SLC24A2: variants seen among roughly 807,000 people sequenced by gnomAD.
SLC24A2 encodes the protein sodium/potassium/calcium exchanger 2.
A neutral mutation model predicts 62.0 loss-of-function variants in SLC24A2; 36 were observed. That is an observed-to-expected ratio of 0.58 (90% CI 0.44 to 0.77). The LOEUF (loss-of-function observed/expected upper bound fraction) is 0.77, where lower values mean the gene tolerates loss of function less well. Ranked by LOEUF, SLC24A2 falls within the 30% of genes least tolerant of loss-of-function variation. The probability of loss-of-function intolerance (pLI) is 0.00; values close to 1 mark genes in which losing one functional copy is unlikely to be tolerated. For synonymous variants in SLC24A2, 358 were observed against 294.0 expected (o/e 1.22, Z -2.23); for missense variants, 846 against 817.9 (o/e 1.03, Z -0.42).
At chr9:19,741,483 C>T (rs1232861022) in intron 2 of SLC24A2, among the ~76,000 whole-genome samples, 1 of 152,190 alleles carries the variant, frequency 6.6e-6, no homozygotes, top group Non-Finnish European at 1.5e-5. Context: ...ACACTCTCTG[C>T]TCCAAGTACC....
intron 9 of SLC24A2, among the ~76,000 whole-genome samples, chr9:19,525,667 G>A (rs367870516): frequency 1.6e-3 from 246 of 151,148 alleles, no homozygotes; most frequent in African/African-American, 5.8e-3. Flanking sequence ...GCATCCCAAA[G>A]TGCTGGGACT....
At chr9:20,032,776 T>C in the SLC24A2 span, among the ~76,000 whole-genome samples, 1 of 151,948 alleles carries the variant, frequency 6.6e-6, no homozygotes, top group Non-Finnish European at 1.5e-5. Flanking sequence ...CTGGTTCTAG[T>C]AAGGAACAGG....
rs184114243 is a variant in SLC24A2, at chr9:19,717,889, G to T, written c.930+68048C>A. On this transcript the variant is annotated intron_variant, in intron 2 of 10. Coordinates refer to ENST00000341998, the MANE Select transcript of SLC24A2 (RefSeq NM_020344.4). ...AATGAAAATTCCACTAAAAACTTTAGTTACAAGAAGAAAATCCTACATGTG... is the reference window on the plus strand; with the variant it reads ...AATGAAAATTCCACTAAAAACTTTATTTACAAGAAGAAAATCCTACATGTG... 1.3e-3 allele frequency among the ~76,000 whole-genome samples: 189 copies of T among 150,836 alleles called. 4 individuals are homozygous for T. Among genetic ancestry groups the T allele is most frequent in the Non-Finnish European group, 4.1e-4 (28 of 67,676 alleles).
intron 2 of SLC24A2, among the ~76,000 whole-genome samples, chr9:19,700,445 G>T (rs965828124): frequency 6.6e-6 from 1 of 152,016 alleles, no homozygotes; most frequent in Non-Finnish European, 1.5e-5. Flanking sequence ...TTGTTTTTTT[G>T]ATATGTTAAA....
chr9:19,886,068 T>C, the SLC24A2 span, among the ~76,000 whole-genome samples: 16 of 152,244 alleles, frequency 1.1e-4, no homozygotes, highest in African/African-American at 2.4e-4. Context: ...TATGTGTGCA[T>C]GTGTCATTAT....
At chr9:19,618,480 G>A (rs1817825630) in intron 4 of SLC24A2, among the ~76,000 whole-genome samples, 1 of 152,110 alleles carries the variant, frequency 6.6e-6, no homozygotes, top group Non-Finnish European at 1.5e-5. Context: ...TGATTGAAAC[G>A]CCCCATGCTC....
intron 2 of SLC24A2, among the ~76,000 whole-genome samples, chr9:19,687,925 G>T (rs977183711): frequency 4.6e-5 from 7 of 152,042 alleles, no homozygotes; most frequent in African/African-American, 1.7e-4. Flanking sequence ...TCATCCCTTT[G>T]CCCCATGTGT....
chr9:19,963,440 A>C, the SLC24A2 span, among the ~76,000 whole-genome samples: 3 of 150,206 alleles, frequency 2.0e-5, no homozygotes, highest in Non-Finnish European at 4.5e-5. Context: ...CAACCTACAA[A>C]ATGGGAGAAA....
intron 7 of SLC24A2, among the ~76,000 whole-genome samples, chr9:19,566,626 G>T (rs1327868659): frequency 1.3e-5 from 2 of 152,122 alleles, no homozygotes; most frequent in East Asian, 3.9e-4. Flanking sequence ...ATGCCCAAAG[G>T]ATTATAAATC....
intron 6 of SLC24A2, among the ~76,000 whole-genome samples, chr9:19,574,202 C>G (rs1489697431): frequency 4.6e-5 from 7 of 152,212 alleles, no homozygotes; most frequent in Non-Finnish European, 8.8e-5. Flanking sequence ...GTGAATACAA[C>G]TTAGCACACT....
At chr9:20,264,330 T>C in the SLC24A2 span, among the ~76,000 whole-genome samples, 1 of 152,224 alleles carries the variant, frequency 6.6e-6, no homozygotes, top group Non-Finnish European at 1.5e-5. Context: ...AGTAATCCCC[T>C]TTTCTCAGAT....
chr9:19,819,091 GT>G, the SLC24A2 span, among the ~76,000 whole-genome samples: 2 of 151,968 alleles, frequency 1.3e-5, no homozygotes, highest in Admixed American at 6.6e-5. Flanking sequence ...CAGACATAAA[GT>G]GGGGGAAAAG....
rs560294957 is a variant in SLC24A2 at position 19,645,948 on chromosome 9, G to A, written c.931-23649C>T. Among the ~76,000 whole-genome samples, 49 of 152,310 alleles carry A rather than the reference G, an allele frequency of 3.2e-4. 2 individuals carry two copies. In the South Asian group the frequency reaches 6.2e-3, roughly 19 times the overall value. On this transcript the variant is annotated intron_variant, in intron 2 of 10. Coordinates refer to ENST00000341998, the MANE Select transcript of SLC24A2 (RefSeq NM_020344.4). Reference sequence around the variant, plus strand: ...GATTCAATCAGTGTCTTGTTTCTGCGTCTTCCTACCTGTGTGATCTTGGGA... The same window carrying A: ...GATTCAATCAGTGTCTTGTTTCTGCATCTTCCTACCTGTGTGATCTTGGGA...
At chr9:19,831,274 T>A in the SLC24A2 span, among the ~76,000 whole-genome samples, 1 of 152,218 alleles carries the variant, frequency 6.6e-6, no homozygotes, top group African/African-American at 2.4e-5. Flanking sequence ...TTATGCATTG[T>A]AGTCTGGCTG....
the SLC24A2 span, among the ~76,000 whole-genome samples, chr9:19,879,356 G>A: frequency 1.3e-5 from 2 of 152,154 alleles, no homozygotes; most frequent in Non-Finnish European, 2.9e-5. Flanking sequence ...CTGTACGGGT[G>A]AATCATGGTA....
At chr9:20,064,854 C>T in the SLC24A2 span, among the ~76,000 whole-genome samples, 12 of 152,084 alleles carry the variant, frequency 7.9e-5, no homozygotes, top group Admixed American at 2.6e-4. Context: ...TCAATGCATC[C>T]AAAGAGCCCA....
the SLC24A2 span, among the ~76,000 whole-genome samples, chr9:19,919,055 G>A: frequency 2.0e-5 from 3 of 152,268 alleles, no homozygotes; most frequent in South Asian, 6.2e-4. Context: ...ACACTGAATG[G>A]GATTTTAATT....
rs1285017881 is a variant in SLC24A2 at position 19,670,086 on chromosome 9, AAT to A, written c.931-47789_931-47788del. On this transcript the variant is annotated intron_variant, in intron 2 of 10. Transcript: ENST00000341998. ...CAGTAAAATCCTCAGCACTCTGTGA[AAT>A]ATCATTCCGTCTCACAAGTCCACAG... is the stretch of plus-strand genomic sequence containing the variant. 5.9e-5 allele frequency among the ~76,000 whole-genome samples: 9 copies of A among 152,284 alleles called. No individual in the cohort carries two copies. The South Asian group carries it at 1.9e-3, about 32-fold the overall frequency.
the SLC24A2 span, among the ~76,000 whole-genome samples, chr9:20,223,354 C>T: frequency 5.5e-3 from 837 of 152,132 alleles, 18 homozygotes; most frequent in East Asian, 0.046. Context: ...CAATAAAAGC[C>T]GGGCTCACAC....
Sources: gnomAD v4.1 joint callset for allele counts (sites outside exome capture counted in the v4.1 genomes callset) on GRCh38, gnomAD v4.1.1 for gene constraint, MANE v1.5 for transcripts, NCBI Gene and HGNC (gene_info 2026-07-23, HGNC 2026-07-21) for gene names.